The following CDC42EP4 variants were observed in gnomAD, a reference collection of about 807,000 sequenced individuals.
The protein encoded by CDC42EP4 is CDC42 effector protein (Rho GTPase binding) 4.
CDC42EP4 carries 6 observed loss-of-function variants against 5.6 expected under a neutral mutation model. The ratio of observed to expected loss-of-function variants is 1.07; its 90% CI spans 0.59 to 2.12. CDC42EP4 has a LOEUF of 2.12. CDC42EP4 is among the 30% of genes most tolerant of loss of function. The pLI, the probability that CDC42EP4 is intolerant of heterozygous loss-of-function variation, is 0.00. For synonymous variants in CDC42EP4, 230 were observed against 224.2 expected, an observed-to-expected ratio of 1.03 and a Z score of -0.23; for missense variants, 490 against 508.6, an observed-to-expected ratio of 0.96 and a Z score of 0.35.
At position 73,307,992 on chromosome 17, in the gene CDC42EP4, T is replaced by C. The variant is rs141083909; in HGVS notation, c.-113+3901A>G. Among the ~76,000 whole-genome samples, 854 of 152,268 alleles carry C rather than the reference T, an allele frequency of 5.6e-3. 3 individuals are homozygous for C. Among genetic ancestry groups the C allele is most frequent in the African/African-American group, 0.019 (799 of 41,554 alleles). On this transcript the variant is annotated intron_variant, in intron 1 of 1. Transcript: ENST00000335793. ...CCTGACCTCAAGTGATCTGCCCGCC[T>C]TGGCCTCCCCAAGTGCTGAGATTAC...
chr17:73,290,052 C>G (rs1389345090), intron 1 of CDC42EP4, among the ~76,000 whole-genome samples: 1 of 152,194 alleles, frequency 6.6e-6, no homozygotes, highest in Non-Finnish European at 1.5e-5. Flanking sequence ...GGACACCAGT[C>G]AGGAACGGAG....
intron 1 of CDC42EP4, among the ~76,000 whole-genome samples, chr17:73,290,703 A>G (rs2062157194): frequency 6.6e-6 from 1 of 152,192 alleles, no homozygotes; most frequent in South Asian, 2.1e-4. Context: ...AAAGACAGAG[A>G]AGCAGGGAGG....
At chr17:73,288,156 C>A (rs1258596927) in intron 1 of CDC42EP4, among the ~76,000 whole-genome samples, 1 of 152,190 alleles carries the variant, frequency 6.6e-6, no homozygotes, top group Non-Finnish European at 1.5e-5. Context: ...CCCCCCACGG[C>A]ACTTTGGGAG....
intron 1 of CDC42EP4, among the ~76,000 whole-genome samples, chr17:73,296,677 G>A (rs376121070): frequency 1.7e-4 from 26 of 151,288 alleles, no homozygotes; most frequent in Non-Finnish European, 3.0e-4. Flanking sequence ...TTGAAACCCC[G>A]TCTCTACTTT....
intron 1 of CDC42EP4, chr17:73,310,098 C>A (rs1049328268): frequency 6.6e-6 from 1 of 152,158 alleles, no homozygotes; most frequent in Non-Finnish European, 1.5e-5. Flanking sequence ...CCTGGGGCTG[C>A]CAGGGGCTCT....
intron 1 of CDC42EP4, among the ~76,000 whole-genome samples, chr17:73,305,963 G>A (rs2062242744): frequency 6.6e-6 from 1 of 152,128 alleles, no homozygotes; most frequent in African/African-American, 2.4e-5. Flanking sequence ...CCCTCCCTCT[G>A]TAGTCTCTGC....
At position 73,285,588 on chromosome 17, in the gene CDC42EP4, G is replaced by A. The variant is rs772022266; in HGVS notation, c.913C>T (p.Arg305Trp). The change falls in exon 2 of 2, where the codon CGG (arginine) becomes TGG (tryptophan). Residue 305 changes from arginine to tryptophan, a missense_variant. Coordinates refer to ENST00000335793, the MANE Select transcript of CDC42EP4 (RefSeq NM_012121.5). The surrounding 1 kb of genome is among the most constrained non-coding windows in gnomAD (Gnocchi z 6.8). ...SARSMGSHTTRDSSSLSSCTS... is the reference protein window; with the variant it reads ...SARSMGSHTTWDSSSLSSCTS... The stretch of plus-strand genomic sequence containing the variant: ...CAGCTGGAGAGGGAGCTGCTGTCCC[G>A]TGTGGTGTGGCTGCCCATGCTGCGG... 38 of 1,610,582 alleles carry A rather than the reference G, an allele frequency of 2.4e-5. No individual in the cohort carries two copies. Among genetic ancestry groups the A allele is most frequent in the Middle Eastern group, 1.7e-4 (1 of 6,054 alleles).
At chr17:73,307,197 A>G (rs2062248172) in intron 1 of CDC42EP4, 1 of 152,204 alleles carries the variant, frequency 6.6e-6, no homozygotes, top group Non-Finnish European at 1.5e-5. Context: ...ATCCCAAAAG[A>G]GAGACCCTTC....
chr17:73,284,338 T>C lies in CDC42EP4; in HGVS notation c.*1092A>G, dbSNP rs977632376. On this transcript the variant is annotated 3_prime_UTR_variant, in exon 2 of 2. Coordinates refer to ENST00000335793, the MANE Select transcript of CDC42EP4 (RefSeq NM_012121.5). The stretch of plus-strand genomic sequence containing the variant: ...AAAGAAAAAAAAGGCTTTCCCCCCA[T>C]AGGAATGATATATTATTTAAAAAAA... The C allele has an allele frequency of 2.6e-5, 4 of 151,958 alleles. No homozygotes were observed. Among genetic ancestry groups the C allele is most frequent in the African/African-American group, 9.7e-5 (4 of 41,354 alleles). The allele number at this position is 151,958 out of a possible 1,614,324, so 9.4% of individuals were successfully genotyped here.
chr17:73,308,037 C>T lies in CDC42EP4; in HGVS notation c.-113+3856G>A, dbSNP rs145440581. Among the ~76,000 whole-genome samples, 870 of 152,204 alleles carry T rather than the reference C, an allele frequency of 5.7e-3. 14 individuals carry two copies. Among genetic ancestry groups the T allele is most frequent in the African/African-American group, 0.02 (837 of 41,532 alleles). On this transcript the variant is annotated intron_variant, in intron 1 of 1. Coordinates refer to ENST00000335793, the MANE Select transcript of CDC42EP4 (RefSeq NM_012121.5). ...GATTACAGGCGTGAGCCACTGTGCCCGGCCCTAATGTCTGAATTTCCTTCC... is the reference window on the plus strand; with the variant it reads ...GATTACAGGCGTGAGCCACTGTGCCTGGCCCTAATGTCTGAATTTCCTTCC...
chr17:73,284,248 G>A lies in CDC42EP4; in HGVS notation c.*1182C>T, dbSNP rs1232776505. 2 of 151,938 alleles carry A rather than the reference G, an allele frequency of 1.3e-5. No individual in the cohort carries two copies. The highest frequency in any genetic ancestry group is 4.8e-5 in the African/African-American group (2 of 41,328). 9.4% of individuals were successfully genotyped at this position (151,938 alleles called of 1,614,324 possible). ...CTCAAAAGTCGGTGGGGGGAGGCCT[G>A]AGAAAAGAAAGGGAAGTAGTCAGTA... On this transcript the variant is annotated 3_prime_UTR_variant, in exon 2 of 2. Coordinates refer to ENST00000335793, the MANE Select transcript of CDC42EP4 (RefSeq NM_012121.5).
intron 1 of CDC42EP4, among the ~76,000 whole-genome samples, chr17:73,300,889 T>G (rs564610060): frequency 6.6e-6 from 1 of 151,770 alleles, no homozygotes; most frequent in South Asian, 2.1e-4. Context: ...TCTATTAAAA[T>G]ACAAAATCAG....
At chr17:73,302,379 A>G (rs2062223313) in intron 1 of CDC42EP4, among the ~76,000 whole-genome samples, 1 of 152,224 alleles carries the variant, frequency 6.6e-6, no homozygotes, top group African/African-American at 2.4e-5. Context: ...TGGCACTTAC[A>G]GTGATATCCT....
At position 73,296,580 on chromosome 17, in the gene CDC42EP4, C is replaced by T. The variant is rs138938748; in HGVS notation, c.-112-9968G>A. On this transcript the variant is annotated intron_variant, in intron 1 of 1. Transcript: ENST00000335793. ...TAGACAACATGGACCAAATGTTTAC[C>T]AAATGGCATTAAATGGAAGTGCAAA... Among the ~76,000 whole-genome samples, 1,128 of 152,240 alleles carry T rather than the reference C, an allele frequency of 7.4e-3. 3 individuals are homozygous for T. The highest frequency in any genetic ancestry group is 0.034 in the Middle Eastern group (10 of 294).
At chr17:73,311,430 G>C (rs2062274640) in intron 1 of CDC42EP4, 1 of 152,478 alleles carries the variant, frequency 6.6e-6, no homozygotes, top group Non-Finnish European at 1.5e-5. Context: ...AACTCCGGGC[G>C]CACACACGCC....
At chr17:73,298,011 A>ACC (rs1555741703) in intron 1 of CDC42EP4, among the ~76,000 whole-genome samples, 13 of 146,204 alleles carry the variant, frequency 8.9e-5, no homozygotes, top group East Asian at 4.0e-4. Flanking sequence ...AAAAAAAAAA[A>ACC]CCCAAAGTAT....
chr17:73,301,301 G>A (rs1405693323), intron 1 of CDC42EP4, among the ~76,000 whole-genome samples: 1 of 152,080 alleles, frequency 6.6e-6, no homozygotes, highest in Non-Finnish European at 1.5e-5. Context: ...ACTTCTATTG[G>A]AGAGCAATAA....
chr17:73,289,879 C>A (rs9674722), intron 1 of CDC42EP4, among the ~76,000 whole-genome samples: 104,184 of 151,110 alleles, frequency 0.69, 36,164 homozygotes, highest in East Asian at 0.97. Flanking sequence ...AAAAGAAAAG[C>A]AAGGAAGGAA....
intron 1 of CDC42EP4, among the ~76,000 whole-genome samples, chr17:73,307,685 T>C (rs1030233106): frequency 6.6e-6 from 1 of 151,596 alleles, no homozygotes; most frequent in African/African-American, 2.4e-5. Context: ...CCTGACCTCC[T>C]GATCCACCCG....
Sources: allele counts gnomAD v4.1 joint callset (sites outside exome capture counted in the v4.1 genomes callset), GRCh38; gene constraint gnomAD v4.1.1; non-coding constraint Gnocchi (gnomAD v3.1); transcripts MANE v1.5; gene names NCBI Gene and HGNC (gene_info 2026-07-23, HGNC 2026-07-21).